Variants in ARFGEF1 observed in about 807,000 individuals in gnomAD.
ARFGEF1 encodes the protein ARF guanine nucleotide exchange factor 1.
Under a neutral mutation model 231.0 loss-of-function variants are expected in ARFGEF1, and 42 were observed. That is an observed-to-expected ratio of 0.18 (90% CI 0.14 to 0.24). The LOEUF (loss-of-function observed/expected upper bound fraction) is 0.24, where lower values mean the gene tolerates loss of function less well. Among genes scored for constraint, ARFGEF1 ranks in the 10% least tolerant of loss-of-function variants. The probability of loss-of-function intolerance (pLI) is 1.00; values close to 1 mark genes in which losing one functional copy is unlikely to be tolerated. For synonymous variants in ARFGEF1, 710 were observed against 732.3 expected (o/e 0.97, Z 0.49); for missense variants, 1,345 against 2,192.0 (o/e 0.61, Z 7.72).
chr8:67,304,806 G>A (rs1027481787), intron 1 of ARFGEF1, among the ~76,000 whole-genome samples: 1 of 152,270 alleles, frequency 6.6e-6, no homozygotes, highest in African/African-American at 2.4e-5. Context: ...GTGACAGAAT[G>A]AGACTCTGTG....
At chr8:67,311,377 C>T (rs1467295184) in intron 1 of ARFGEF1, among the ~76,000 whole-genome samples, 2 of 132,574 alleles carry the variant, frequency 1.5e-5, no homozygotes, top group Non-Finnish European at 3.3e-5. Context: ...AAGTGAGGAG[C>T]CCCTCTGCCC....
chr8:67,193,368 A>G, downstream of ARFGEF1: 2 of 1,105,012 alleles, frequency 1.8e-6, no homozygotes, highest in African/African-American at 3.1e-5. Context: ...AAGTGCTGGG[A>G]TCACAGGTGA....
rs771352599 is a variant in ARFGEF1 at position 67,238,810 on chromosome 8, C to T, written c.3063G>A (p.Lys1021=). 3.1e-6 allele frequency: 5 copies of T among 1,613,582 alleles called. No homozygotes were observed. The highest frequency in any genetic ancestry group is 1.3e-5 in the African/African-American group (1 of 74,970). Residue 1021 remains lysine, a synonymous_variant, in exon 21 of 39, where the codon AAG becomes AAA. Coordinates refer to ENST00000262215, the MANE Select transcript of ARFGEF1 (RefSeq NM_006421.5). ...TAAGTGTTTTTATTGTGTCAATGTTCTTCTGTTTCATTTCAGTAATACCGG... is the reference window on the plus strand; with the variant it reads ...TAAGTGTTTTTATTGTGTCAATGTTTTTCTGTTTCATTTCAGTAATACCGG... ...VSSGITEMKQ[K]NIDTIKTLIT...
chr8:67,305,807 G>T (rs1007361418), intron 1 of ARFGEF1, among the ~76,000 whole-genome samples: 4 of 152,120 alleles, frequency 2.6e-5, no homozygotes, highest in African/African-American at 9.7e-5. Context: ...GACCTCAGCG[G>T]ATGCCTGAAA....
intron 22 of ARFGEF1, among the ~76,000 whole-genome samples, chr8:67,237,845 T>C (rs1839817485): frequency 6.6e-6 from 1 of 151,956 alleles, no homozygotes; most frequent in Admixed American, 6.5e-5. Flanking sequence ...CTAAAAAATG[T>C]ATTGCTTTTC....
At chr8:67,298,104 TA>T (rs921100242) in intron 4 of ARFGEF1, among the ~76,000 whole-genome samples, 3 of 130,348 alleles carry the variant, frequency 2.3e-5, no homozygotes, top group Non-Finnish European at 4.8e-5. Flanking sequence ...CCATGCCCAG[TA>T]TTTTTTTTTT....
At chr8:67,249,567 T>C (rs1840211616) in intron 19 of ARFGEF1, among the ~76,000 whole-genome samples, 2 of 150,418 alleles carry the variant, frequency 1.3e-5, no homozygotes, top group Admixed American at 1.3e-4. Flanking sequence ...ATTAGGGACC[T>C]AGTTTAGATT....
At chr8:67,274,323 CAA>C (rs57986405) in intron 9 of ARFGEF1, among the ~76,000 whole-genome samples, 19 of 123,664 alleles carry the variant, frequency 1.5e-4, no homozygotes, top group Admixed American at 1.6e-4. Context: ...TGACTTTTGG[CAA>C]AAAAAAAAAA....
Position 67,296,489 on chromosome 8 carries a change from G to C in ARFGEF1, c.581C>G (p.Ala194Gly). 6.2e-7 allele frequency: 1 copy of C among 1,613,892 alleles called. No individual in the cohort carries two copies. The highest frequency in any genetic ancestry group is 8.5e-7 in the Non-Finnish European group (1 of 1,179,942). Residue 194 changes from alanine to glycine, a missense_variant, in exon 5 of 39, where the codon GCC (alanine) becomes GGC (glycine). By Grantham distance (60) the Ala-to-Gly change is moderately conservative. Around this residue, in one of 14 missense-constraint regions of ARFGEF1, gnomAD observed 398 missense variants for 463.2 expected, o/e 0.86. Coordinates refer to ENST00000262215, the MANE Select transcript of ARFGEF1 (RefSeq NM_006421.5). ...TAGCATCTGAGTGAGAGTAGCTTTG[G>C]CTGTTGTCTGATTGATGAGATTTTT... Reference protein sequence around the residue: ...ASKNLINQTTAKATLTQMLNV... With the variant: ...ASKNLINQTTGKATLTQMLNV...
At chr8:67,297,800 G>GTTTTTTTTTT (rs11320985) in intron 4 of ARFGEF1, among the ~76,000 whole-genome samples, 1 of 142,306 alleles carries the variant, frequency 7.0e-6, no homozygotes, top group Non-Finnish European at 1.5e-5. Context: ...TGATCAACCC[G>GTTTTTTTTTT]TTTTTTTTTT....
In ARFGEF1 at chr8:67,240,232, G is replaced by A. The variant is rs1171217848; in HGVS notation, c.2909C>T (p.Thr970Ile). The A allele has an allele frequency of 2.5e-6, 4 of 1,612,982 alleles. No individual in the cohort carries two copies. Among genetic ancestry groups the A allele is most frequent in the South Asian group, 2.2e-5 (2 of 90,874 alleles). Residue 970 changes from threonine (T) to isoleucine (I), a missense_variant, in exon 20 of 39, where the codon ACT becomes ATT. Transcript: ENST00000262215. ...FSVGLQDCDDTEVASLCLEGI... is the reference protein window; with the variant it reads ...FSVGLQDCDDIEVASLCLEGI... ...TTCCAGGCAAAGAGAGGCTACTTCA[G>A]TATCATCACAATCTTGTAGACCCAC...
chr8:67,173,612 C>G (rs145835036), downstream of ARFGEF1: 2 of 151,882 alleles, frequency 1.3e-5, no homozygotes, highest in African/African-American at 4.8e-5. Context: ...TATGTAAGTA[C>G]CATTATCATT....
At chr8:67,258,959 T>A (rs1422665748) in intron 15 of ARFGEF1, among the ~76,000 whole-genome samples, 2 of 152,126 alleles carry the variant, frequency 1.3e-5, no homozygotes, top group Non-Finnish European at 2.9e-5. Context: ...AGTATTTGCA[T>A]ATAACCTACA....
chr8:67,181,338 ATTTTTTTTT>A (rs58029238), intron 5 of ARFGEF1, among the ~76,000 whole-genome samples: 3 of 112,642 alleles, frequency 2.7e-5, no homozygotes, highest in East Asian at 5.0e-4. Flanking sequence ...GTACCTGGCC[ATTTTTTTTT>A]TTTTTTTTTT....
rs1840280377 is a variant in ARFGEF1 at position 67,251,459 on chromosome 8, ATAAACAC to A, written c.2699-16_2699-10del. ...TTTTTCACTGGCTACATCTGAAACA[ATAAACAC>A]TATCAGCATTTTAAATATAAAACAT... is the stretch of plus-strand genomic sequence containing the variant. On this transcript the variant is annotated splice_polypyrimidine_tract_variant and intron_variant, in intron 18 of 38. Transcript: ENST00000262215. The A allele has an allele frequency of 6.3e-7, 1 of 1,583,960 alleles. No homozygotes were observed. Among genetic ancestry groups the A allele is most frequent in the African/African-American group, 1.4e-5 (1 of 73,336 alleles).
intron 19 of ARFGEF1, among the ~76,000 whole-genome samples, chr8:67,249,911 C>A (rs1261461206): frequency 6.6e-6 from 1 of 152,214 alleles, no homozygotes; most frequent in Non-Finnish European, 1.5e-5. Flanking sequence ...CGTAAGCCAC[C>A]GTGCCTAGCT....
intron 1 of ARFGEF1, among the ~76,000 whole-genome samples, chr8:67,342,727 AGTTATT>A (rs1253858072): frequency 6.6e-6 from 1 of 152,150 alleles, no homozygotes; most frequent in African/African-American, 2.4e-5. Context: ...CAAACGAAAA[AGTTATT>A]GTTAATTATG....
chr8:67,302,343 T>G, intron 2 of ARFGEF1, 93 bp downstream of exon 2: 2 of 867,882 alleles, frequency 2.3e-6, no homozygotes, highest in Non-Finnish European at 3.4e-6. Context: ...ATGCAGAGAA[T>G]TTGCCACACT....
chr8:67,222,091 G>A (rs1388388994), intron 29 of ARFGEF1, among the ~76,000 whole-genome samples: 1 of 149,742 alleles, frequency 6.7e-6, no homozygotes, highest in African/African-American at 2.4e-5. Context: ...GGGATTACAG[G>A]CGTGAGCCAC....
Sources: gnomAD v4.1 joint callset for allele counts (sites outside exome capture counted in the v4.1 genomes callset) on GRCh38, gnomAD v4.1.1 for gene constraint, gnomAD v4.1.1 regional missense constraint, MANE v1.5 for transcripts, NCBI Gene and HGNC (gene_info 2026-07-23, HGNC 2026-07-21) for gene names.